Variants in CSMD2 observed in about 807,000 individuals in gnomAD.
The protein encoded by CSMD2 is CUB and Sushi multiple domains 2.
In CSMD2, 130 loss-of-function variants were observed where a neutral mutation model predicts 398.5. That is an observed-to-expected ratio of 0.33 (90% CI 0.28 to 0.38). CSMD2 has a LOEUF of 0.38. Ranked by LOEUF, CSMD2 falls within the 10% of genes least tolerant of loss-of-function variation. The pLI, the probability that CSMD2 is intolerant of heterozygous loss-of-function variation, is 1.00. For missense variants in CSMD2, 3,829 were observed against 4,764.9 expected, an observed-to-expected ratio of 0.80 and a Z score of 5.78; for synonymous variants, 1,828 against 1,908.5, an observed-to-expected ratio of 0.96 and a Z score of 1.10.
chr1:33,607,119 G>GCAAA lies in CSMD2; in HGVS notation c.6344-1650_6344-1649insTTTG, dbSNP rs528741569. On this transcript the variant is annotated intron_variant, in intron 41 of 70. Coordinates refer to ENST00000373381, the MANE Select transcript of CSMD2 (RefSeq NM_001281956.2). Reference sequence around the variant, plus strand: ...TTAATAATGATGATGCCTAGCATTTGGGGACAATTGTACATCTTAGCCATT... The same window carrying GCAAA: ...TTAATAATGATGATGCCTAGCATTTGCAAAGGGACAATTGTACATCTTAGCCATT... 7.9e-5 allele frequency among the ~76,000 whole-genome samples: 12 copies of GCAAA among 152,290 alleles called. No individual in the cohort carries two copies. The East Asian group carries it at 2.3e-3, about 29-fold the overall frequency.
chr1:33,838,067 C>A (rs139092428), intron 6 of CSMD2, among the ~76,000 whole-genome samples: 81 of 152,322 alleles, frequency 5.3e-4, no homozygotes, highest in African/African-American at 1.8e-3. Context: ...GTCTCCAAGG[C>A]TCTGGGAGTC....
At chr1:33,585,258 C>G (rs1639004320) in intron 46 of CSMD2, among the ~76,000 whole-genome samples, 1 of 152,152 alleles carries the variant, frequency 6.6e-6, no homozygotes, top group African/African-American at 2.4e-5. Flanking sequence ...AAGGGAGGTT[C>G]TGGAACGGGA....
chr1:33,638,647 A>G lies in CSMD2; in HGVS notation c.4775-2093T>C, dbSNP rs2336639. ...TCAAGGCCCTGCACATGTGGCCCCA[A>G]TAGTCCCCTCTGTGACCTCAGCTCC... On this transcript the variant is annotated intron_variant, in intron 29 of 70. Transcript: ENST00000373381. Among the ~76,000 whole-genome samples, 1,339 of 152,338 alleles carry G rather than the reference A, an allele frequency of 8.8e-3. 16 individuals carry two copies. Among genetic ancestry groups the G allele is most frequent in the Admixed American group, 0.02 (302 of 15,302 alleles).
chr1:34,075,241 C>G (rs1032818484), intron 2 of CSMD2, among the ~76,000 whole-genome samples: 2 of 152,220 alleles, frequency 1.3e-5, no homozygotes, highest in Non-Finnish European at 2.9e-5. Flanking sequence ...AGACTTTTCC[C>G]TCATCCCCAT....
At position 33,725,380 on chromosome 1, in the gene CSMD2, G is replaced by A. The variant is rs750088452; in HGVS notation, c.2664C>T (p.His888=). 1.5e-5 allele frequency: 24 copies of A among 1,613,986 alleles called. No homozygotes were observed. In the South Asian group the frequency reaches 2.3e-4, roughly 16 times the overall value. Reference sequence around the variant, plus strand: ...AGCGGAGCTGGAAGCCGATGTCCGAGTGACTCTTGTCGGTAGAGAAGAGGA... The same window carrying A: ...AGCGGAGCTGGAAGCCGATGTCCGAATGACTCTTGTCGGTAGAGAAGAGGA... ...LYLLFSTDKS[H]SDIGFQLRYE... Residue 888 remains histidine, a synonymous_variant, in exon 17 of 71, where the codon CAC becomes CAT. Coordinates refer to ENST00000373381, the MANE Select transcript of CSMD2 (RefSeq NM_001281956.2).
chr1:33,603,052 T>A (rs1007848343), intron 42 of CSMD2, among the ~76,000 whole-genome samples: 2 of 152,150 alleles, frequency 1.3e-5, no homozygotes, highest in Non-Finnish European at 2.9e-5. Context: ...AGCTGAACGA[T>A]GTATTGAGCA....
intron 10 of CSMD2, among the ~76,000 whole-genome samples, chr1:33,806,582 A>G (rs1028400289): frequency 6.6e-6 from 1 of 152,244 alleles, no homozygotes. Context: ...TCAAATTTGC[A>G]AAAACTTCAG....
At chr1:34,139,466 G>A (rs576637005) in intron 1 of CSMD2, among the ~76,000 whole-genome samples, 13 of 152,244 alleles carry the variant, frequency 8.5e-5, no homozygotes, top group South Asian at 2.1e-4. Flanking sequence ...TAAATTATCC[G>A]TCTTCAGGTA....
chr1:33,701,829 T>TCA (rs1645622587), intron 22 of CSMD2, among the ~76,000 whole-genome samples: 1 of 152,188 alleles, frequency 6.6e-6, no homozygotes, highest in Non-Finnish European at 1.5e-5. Context: ...CACCGAAACA[T>TCA]ATGGAAATCA....
intron 5 of CSMD2, among the ~76,000 whole-genome samples, chr1:33,902,938 A>T (rs1374102581): frequency 6.6e-6 from 1 of 152,150 alleles, no homozygotes; most frequent in Admixed American, 6.5e-5. Context: ...ATTTCACCCC[A>T]ACCCCAGGGT....
intron 1 of CSMD2, among the ~76,000 whole-genome samples, chr1:34,098,670 T>A (rs1161835131): frequency 6.6e-6 from 1 of 151,258 alleles, no homozygotes; most frequent in Non-Finnish European, 1.5e-5. Flanking sequence ...TTAAAAAAAA[T>A]TGAGAAAAGA....
intron 1 of CSMD2, among the ~76,000 whole-genome samples, chr1:34,121,045 C>T (rs1042330499): frequency 1.3e-5 from 2 of 152,120 alleles, no homozygotes; most frequent in African/African-American, 4.8e-5. Flanking sequence ...TCCCAGAAGA[C>T]AGGAATTTCT....
intron 1 of CSMD2, among the ~76,000 whole-genome samples, chr1:34,160,513 T>A (rs1641234913): frequency 6.6e-6 from 1 of 152,124 alleles, no homozygotes; most frequent in African/African-American, 2.4e-5. Flanking sequence ...TCTTATTACC[T>A]CTGCAAACCA....
chr1:33,839,698 CAG>C (rs1178819826), intron 6 of CSMD2: 1 of 152,142 alleles, frequency 6.6e-6, no homozygotes, highest in Admixed American at 6.5e-5. Flanking sequence ...ATGAAAAAAA[CAG>C]AGTCAGATAC....
rs529619881 is a variant in CSMD2 at position 34,122,452 on chromosome 1, A to G, written c.188-33259T>C. Among the ~76,000 whole-genome samples the G allele has an allele frequency of 5.3e-5, 8 of 151,992 alleles. No individual in the cohort carries two copies. The South Asian group carries it at 1.7e-3, about 32-fold the overall frequency. On this transcript the variant is annotated intron_variant, in intron 1 of 70. Transcript: ENST00000373381. ...GTATCCAGAACCTCTGTCTTTTCTTACCCTCAAGCAGCAGGGCCCTCCCTG... is the reference window on the plus strand; with the variant it reads ...GTATCCAGAACCTCTGTCTTTTCTTGCCCTCAAGCAGCAGGGCCCTCCCTG...
At position 33,935,869 on chromosome 1, in the gene CSMD2, G is replaced by A. The variant is rs1367973163; in HGVS notation, c.603C>T (p.Val201=). ...AGAAGCCAAGGTTGCAGCTGTAGCG[G>A]ACCTTGTCACCGAGGTTGAAGGTTG... ...QGSTFNLGDK[V]RYSCNLGFFL... is the part of the protein sequence containing the mutation. The change falls in exon 4 of 71, where the codon GTC becomes GTT. Residue 201 remains valine (V), a synonymous_variant. Transcript: ENST00000373381. The A allele has an allele frequency of 5.0e-6, 8 of 1,614,204 alleles. No individual in the cohort carries two copies. In the South Asian group the frequency reaches 5.5e-5, roughly 11 times the overall value.
rs1640298776 is a variant in CSMD2, at chr1:33,602,561, A to G, written c.6533-15T>C. The G allele has an allele frequency of 6.4e-7, 1 of 1,574,364 alleles. No individual in the cohort carries two copies. The highest frequency in any genetic ancestry group is 1.2e-5 in the South Asian group (1 of 85,660). The stretch of plus-strand genomic sequence containing the variant: ...GCCACAAGGGACTGCCAGGGAGGGA[A>G]CACAAACGTAAGTGCAGGGCCTCGG... On this transcript the variant is annotated splice_polypyrimidine_tract_variant and intron_variant, in intron 42 of 70. Transcript: ENST00000373381.
At chr1:33,720,328 T>C (rs919149908) in intron 19 of CSMD2, among the ~76,000 whole-genome samples, 4 of 152,004 alleles carry the variant, frequency 2.6e-5, no homozygotes, top group Non-Finnish European at 4.4e-5. Flanking sequence ...TTCTCTACAG[T>C]GGAGTAAAGT....
intron 5 of CSMD2, among the ~76,000 whole-genome samples, chr1:33,911,986 T>A (rs1196755555): frequency 1.3e-5 from 2 of 152,134 alleles, no homozygotes; most frequent in Non-Finnish European, 2.9e-5. Flanking sequence ...CACCACCTCA[T>A]CTCCTATATT....
Sources: allele counts gnomAD v4.1 joint callset (sites outside exome capture counted in the v4.1 genomes callset), GRCh38; gene constraint gnomAD v4.1.1; transcripts MANE v1.5; gene names NCBI Gene and HGNC (gene_info 2026-07-23, HGNC 2026-07-21).